MACF1: variants seen among roughly 807,000 people sequenced by gnomAD.
The protein encoded by MACF1 is microtubule actin crosslinking factor 1, also known as microtubule-actin cross-linking factor 1.
In MACF1, 193 loss-of-function variants were observed where a neutral mutation model predicts 854.8. The ratio of observed to expected loss-of-function variants is 0.23; its 90% CI spans 0.20 to 0.25. The LOEUF is 0.25. MACF1 is among the 10% of genes least tolerant of loss of function. MACF1 has a pLI of 1.00. For missense variants in MACF1, 7,722 were observed against 8,929.1 expected (o/e 0.86, Z 5.45); for synonymous variants, 3,185 against 3,226.7 (o/e 0.99, Z 0.44).
intron 1 of MACF1, among the ~76,000 whole-genome samples, chr1:39,208,774 G>A (rs1005003610): frequency 1.3e-5 from 2 of 151,928 alleles, no homozygotes; most frequent in Admixed American, 6.6e-5. Flanking sequence ...ACAGGCGCAC[G>A]CCACCACACC....
At chr1:39,414,616 C>A in intron 58 of MACF1, 3 of 1,331,040 alleles carry the variant, frequency 2.3e-6, no homozygotes, top group Non-Finnish European at 3.1e-6. Flanking sequence ...TGTAGTCTTT[C>A]TGTTCAGTTT....
At chr1:39,484,540 G>A in intron 99 of MACF1, 61 bp from the exon 100 acceptor site, 1 of 1,522,230 alleles carries the variant, frequency 6.6e-7, no homozygotes, top group Non-Finnish European at 8.9e-7. Flanking sequence ...ACCTTTTAAA[G>A]TTGAATTTCT....
chr1:39,452,461 G>A, intron 86 of MACF1, 111 bp downstream of exon 86: 1 of 1,203,124 alleles, frequency 8.3e-7, no homozygotes, highest in East Asian at 2.4e-5. Flanking sequence ...TAACAGAGTT[G>A]AAAATTGATA....
At position 39,309,552 on chromosome 1, in the gene MACF1, G is replaced by T. The variant is rs1646258088; in HGVS notation, c.2790-18G>T. ...GAAGTCTTACAAAGGTAATAGTCAGGTTCTGTGTTATTTCTAGGGTCGAAC... is the reference window on the plus strand; with the variant it reads ...GAAGTCTTACAAAGGTAATAGTCAGTTTCTGTGTTATTTCTAGGGTCGAAC... On this transcript the variant is annotated intron_variant, in intron 23 of 100. Transcript: ENST00000564288. The T allele has an allele frequency of 6.2e-7, 1 of 1,613,760 alleles. No homozygotes were observed. The highest frequency in any genetic ancestry group is 8.5e-7 in the Non-Finnish European group (1 of 1,179,862).
intron 20 of MACF1, among the ~76,000 whole-genome samples, chr1:39,296,855 A>G (rs1310886357): frequency 6.6e-6 from 1 of 151,300 alleles, no homozygotes; most frequent in Non-Finnish European, 1.5e-5. Context: ...AAAGAAAGAA[A>G]GAGAGAAAGA....
intron 60 of MACF1, 79 bp downstream of exon 60, chr1:39,422,979 G>A (rs1643594847): frequency 3.7e-6 from 5 of 1,349,150 alleles, no homozygotes; most frequent in Admixed American, 2.1e-5. Flanking sequence ...AGTTTAAGAA[G>A]CAGTTCAGGA....
At chr1:39,196,624 A>G (rs1644323756) in intron 2 of MACF1, among the ~76,000 whole-genome samples, 1 of 152,214 alleles carries the variant, frequency 6.6e-6, no homozygotes. Context: ...GTATTTTTTA[A>G]AAGACTTCTC....
intron 2 of MACF1, among the ~76,000 whole-genome samples, chr1:39,247,796 G>A (rs1254471973): frequency 6.6e-6 from 1 of 152,200 alleles, no homozygotes; most frequent in Non-Finnish European, 1.5e-5. Context: ...ACTTGGGGAG[G>A]CTGAGGCGGG....
At chr1:39,405,234 C>T (rs1005449503) in intron 58 of MACF1, among the ~76,000 whole-genome samples, 3 of 152,132 alleles carry the variant, frequency 2.0e-5, no homozygotes, top group Admixed American at 2.0e-4. Flanking sequence ...AATAAAAGTA[C>T]CAAAGGATGG....
intron 99 of MACF1, among the ~76,000 whole-genome samples, chr1:39,482,204 G>A (rs949989074): frequency 6.6e-6 from 1 of 152,136 alleles, no homozygotes; most frequent in African/African-American, 2.4e-5. Flanking sequence ...CTCCTGACTT[G>A]GAATTCTAGC....
chr1:39,474,239 A>G (rs925327183), intron 97 of MACF1, among the ~76,000 whole-genome samples: 1 of 151,874 alleles, frequency 6.6e-6, no homozygotes, highest in Non-Finnish European at 1.5e-5. Context: ...ATATAAAAAA[A>G]TTAGCCGGGC....
intron 58 of MACF1, among the ~76,000 whole-genome samples, chr1:39,393,318 A>G (rs906791918): frequency 6.0e-5 from 9 of 150,190 alleles, no homozygotes; most frequent in East Asian, 3.9e-4. Context: ...TCTTAAACCA[A>G]CCCCTCCTTT....
chr1:39,294,521 G>C (rs1437446800), intron 18 of MACF1, among the ~76,000 whole-genome samples: 2 of 152,154 alleles, frequency 1.3e-5, no homozygotes, highest in Non-Finnish European at 2.9e-5. Flanking sequence ...CAATAAACAG[G>C]CTGTGTGAGA....
chr1:39,200,515 A>G (rs559159096), upstream of MACF1, among the ~76,000 whole-genome samples: 2 of 152,110 alleles, frequency 1.3e-5, no homozygotes, highest in Non-Finnish European at 2.9e-5. Context: ...CCTGCCCAAC[A>G]TGGCAAAACC....
At position 39,335,824 on chromosome 1, in the gene MACF1, T is replaced by G; in HGVS notation, c.9236T>G (p.Leu3079Arg). ...GAAGGAAAAGTAAACAATTTAAGTC[T>G]CTGCTTGACTTTAAAACCAGAAGAA... ...ANEGKVNNLS[L>R]CLTLKPEENL... Residue 3079 changes from leucine to arginine, a missense_variant, in exon 37 of 101, where the codon CTC (leucine) becomes CGC (arginine). This residue lies in a region of MACF1 where 854 missense variants were observed against 852.6 expected (regional missense o/e 1.00). Coordinates refer to ENST00000564288, the MANE Select transcript of MACF1 (RefSeq NM_001394062.1). The G allele has an allele frequency of 6.2e-7, 1 of 1,614,178 alleles. No homozygotes were observed.
intron 97 of MACF1, among the ~76,000 whole-genome samples, chr1:39,475,424 G>A (rs901382433): frequency 6.8e-6 from 1 of 147,406 alleles, no homozygotes; most frequent in Admixed American, 6.9e-5. Context: ...AGCCATGTTT[G>A]TGTCACTGCA....
chr1:39,340,787 T>C lies in MACF1; in HGVS notation c.10432-17T>C, dbSNP rs757251578. On this transcript the variant is annotated splice_polypyrimidine_tract_variant and intron_variant, in intron 39 of 100. Coordinates refer to ENST00000564288, the MANE Select transcript of MACF1 (RefSeq NM_001394062.1). Reference sequence around the variant, plus strand: ...GCTGGGAGATTTTCATAATGTGATTTTCCATTTATTTCTTAGACTAAAGTG... The same window carrying C: ...GCTGGGAGATTTTCATAATGTGATTCTCCATTTATTTCTTAGACTAAAGTG... 9.9e-6 allele frequency: 16 copies of C among 1,611,978 alleles called. 1 individual carries two copies. The highest frequency in any genetic ancestry group is 1.7e-4 in the Middle Eastern group (1 of 6,048).
At chr1:39,400,216 A>G (rs900001126) in intron 58 of MACF1, among the ~76,000 whole-genome samples, 1 of 152,240 alleles carries the variant, frequency 6.6e-6, no homozygotes, top group African/African-American at 2.4e-5. Flanking sequence ...AGTTCTAGTC[A>G]GAAGTATCCA....
chr1:39,287,575 C>A lies in MACF1; in HGVS notation c.1785+13C>A. The A allele has an allele frequency of 1.2e-6, 2 of 1,613,942 alleles. No individual in the cohort carries two copies. Among genetic ancestry groups the A allele is most frequent in the Non-Finnish European group, 1.7e-6 (2 of 1,179,882 alleles). On this transcript the variant is annotated intron_variant, in intron 15 of 100. Transcript: ENST00000564288. ...AGAAGAGATGCAGGTGGGTGCATAT[C>A]CAAAAGCTTATGCAGTACACTGATG...
Sources: gnomAD v4.1 joint callset for allele counts (sites outside exome capture counted in the v4.1 genomes callset) on GRCh38, gnomAD v4.1.1 for gene constraint, gnomAD v4.1.1 regional missense constraint, MANE v1.5 for transcripts, NCBI Gene and HGNC (gene_info 2026-07-23, HGNC 2026-07-21) for gene names.